Variants in FANCI observed in about 807,000 individuals in gnomAD.
FANCI encodes the protein Fanconi anemia group I protein.
A neutral mutation model predicts 176.1 loss-of-function variants in FANCI; 156 were observed. That is an observed-to-expected ratio of 0.89 (90% confidence interval 0.78 to 1.01). FANCI has a LOEUF of 1.01. FANCI is among the 50% of genes least tolerant of loss of function. The probability of loss-of-function intolerance (pLI) is 0.00; values close to 1 mark genes in which losing one functional copy is unlikely to be tolerated. For missense variants in FANCI, 1,678 were observed against 1,534.1 expected (o/e 1.09, Z -1.57); for synonymous variants, 613 against 541.7 (o/e 1.13, Z -1.83).
rs567191038 is a variant in FANCI, at chr15:89,244,011, C to G, written c.-42C>G. 1.3e-5 allele frequency: 2 copies of G among 152,528 alleles called. No individual in the cohort carries two copies. The highest frequency in any genetic ancestry group is 6.5e-5 in the Admixed American group (1 of 15,278). 9.4% of individuals were successfully genotyped at this position (152,528 alleles called of 1,614,324 possible). On this transcript the variant is annotated 5_prime_UTR_variant, in exon 1 of 38. Transcript: ENST00000310775. ...GTGTGGCGGCGTTGGGTTGAGCGGG[C>G]TTTTTGGAAGTTTGTGGCGGAGGTG...
At chr15:89,268,650 TCTTTTTTTTTTTTTA>T in intron 10 of FANCI, 125 bp downstream of exon 10, 1 of 1,164,360 alleles carries the variant, frequency 8.6e-7, no homozygotes, top group East Asian at 2.5e-5. Flanking sequence ...GTGGAGGATC[TCTTTTTTTTTTTTTA>T]CTTTAAAAGT....
At chr15:89,296,970 G>A (rs541640773) in intron 24 of FANCI, among the ~76,000 whole-genome samples, 5,187 of 124,218 alleles carry the variant, frequency 0.042, 393 homozygotes, top group African/African-American at 0.18. Flanking sequence ...GCGGGGGGCT[G>A]ACCCCCCCCA....
intron 16 of FANCI, chr15:89,282,917 A>G (rs1376474567): frequency 3.6e-6 from 2 of 555,736 alleles, no homozygotes; most frequent in Non-Finnish European, 6.5e-6. Context: ...GTAGAGTATC[A>G]TGAGTTAAGT....
intron 24 of FANCI, among the ~76,000 whole-genome samples, chr15:89,297,081 G>C (rs530407956): frequency 6.6e-6 from 1 of 151,638 alleles, no homozygotes; most frequent in African/African-American, 2.4e-5. Context: ...CTTCCCAGAC[G>C]GGGTGGCTGC....
rs1195191317 is a variant in FANCI at position 89,263,658 on chromosome 15, C to A, written c.545+198C>A. Among the ~76,000 whole-genome samples, 3 of 152,272 alleles carry A rather than the reference C, an allele frequency of 2.0e-5. No homozygotes were observed. In the South Asian group the frequency reaches 6.2e-4, roughly 32 times the overall value. ...CTTTACTTACTTATTTAAAACATAA[C>A]TTTATTTTTTTTATAAGAATGACTT... On this transcript the variant is annotated intron_variant, in intron 7 of 37. Transcript: ENST00000310775.
At chr15:89,256,000 G>A (rs1351297307) in intron 2 of FANCI, among the ~76,000 whole-genome samples, 1 of 152,244 alleles carries the variant, frequency 6.6e-6, no homozygotes, top group East Asian at 1.9e-4. Context: ...TAAGTTGCCT[G>A]AGGTTTTATA....
intron 19 of FANCI, 55 bp from the exon 20 acceptor site, chr15:89,291,558 A>G: frequency 6.9e-7 from 1 of 1,439,718 alleles, no homozygotes. Context: ...TGAGAAGTTA[A>G]AAAAGTAAAA....
chr15:89,301,685 C>T (rs916372461), intron 27 of FANCI, among the ~76,000 whole-genome samples: 2 of 152,116 alleles, frequency 1.3e-5, no homozygotes, highest in African/African-American at 4.8e-5. Context: ...TTTGTTTGTT[C>T]AGGGTAGAGT....
intron 12 of FANCI, 39 bp downstream of exon 12, chr15:89,274,343 G>GT (rs2053321523): frequency 6.2e-7 from 1 of 1,609,636 alleles, no homozygotes; most frequent in African/African-American, 1.3e-5. Flanking sequence ...TTTATAAGGT[G>GT]TTTAATGTTA....
At chr15:89,286,588 G>T (rs2053825925) in intron 18 of FANCI, among the ~76,000 whole-genome samples, 1 of 151,984 alleles carries the variant, frequency 6.6e-6, no homozygotes, top group African/African-American at 2.4e-5. Flanking sequence ...CTCAACAGTG[G>T]GCTTAAAATA....
intron 24 of FANCI, among the ~76,000 whole-genome samples, chr15:89,295,305 G>C (rs1235788742): frequency 4.0e-5 from 6 of 151,158 alleles, no homozygotes; most frequent in African/African-American, 1.5e-4. Flanking sequence ...GGTGGAGGTC[G>C]CAGTGAGCTG....
At chr15:89,276,164 A>G (rs2053403983) in intron 12 of FANCI, among the ~76,000 whole-genome samples, 1 of 152,250 alleles carries the variant, frequency 6.6e-6, no homozygotes, top group African/African-American at 2.4e-5. Context: ...AAAACCACCA[A>G]TGATTCTACT....
intron 17 of FANCI, among the ~76,000 whole-genome samples, chr15:89,284,080 A>T (rs1180709101): frequency 6.6e-6 from 1 of 152,078 alleles, no homozygotes; most frequent in South Asian, 2.1e-4. Context: ...TTTCTTTTGG[A>T]TAGCACGGTG....
In FANCI at chr15:89,264,017, C is replaced by G. The variant is rs2052831015; in HGVS notation, c.660C>G (p.Leu220=). Residue 220 remains leucine, a synonymous_variant, in exon 8 of 38, where the codon CTC becomes CTG. Coordinates refer to ENST00000310775, the MANE Select transcript of FANCI (RefSeq NM_001113378.2). ...IPPLVYQLLV[L]SSKGSRKSVL... ...CTTTGGTCTATCAGCTTCTGGTTCT[C>G]TCCTCCAAGGTACAAATGGAAAATT... 1.9e-6 allele frequency: 3 copies of G among 1,614,074 alleles called. No individual in the cohort carries two copies. Among genetic ancestry groups the G allele is most frequent in the African/African-American group, 1.3e-5 (1 of 75,060 alleles).
At chr15:89,315,611 C>T (rs2055203732) in intron 37 of FANCI, among the ~76,000 whole-genome samples, 1 of 148,790 alleles carries the variant, frequency 6.7e-6, no homozygotes, top group African/African-American at 2.4e-5. Context: ...TTCCAGGAAG[C>T]AGGTGGTAAC....
At chr15:89,305,794 T>C in intron 31 of FANCI, 96 bp downstream of exon 31, 5 of 1,341,830 alleles carry the variant, frequency 3.7e-6, no homozygotes, top group Non-Finnish European at 5.3e-6. Context: ...TGAGCTAAAT[T>C]TCTTATTTGC....
At chr15:89,286,258 A>G (rs1178355234) in intron 18 of FANCI, among the ~76,000 whole-genome samples, 4 of 152,110 alleles carry the variant, frequency 2.6e-5, no homozygotes, top group Non-Finnish European at 4.4e-5. Flanking sequence ...ATCCCAAAGT[A>G]TTGGGATTAC....
intron 1 of FANCI, among the ~76,000 whole-genome samples, chr15:89,245,545 T>C (rs991557263): frequency 6.6e-6 from 1 of 151,544 alleles, no homozygotes; most frequent in Non-Finnish European, 1.5e-5. Context: ...TCTGAAGGAT[T>C]TGTAGGAATT....
chr15:89,269,108 G>A (rs1291168756), intron 10 of FANCI, among the ~76,000 whole-genome samples: 1 of 152,140 alleles, frequency 6.6e-6, no homozygotes, highest in South Asian at 2.1e-4. Flanking sequence ...ACTACATAGC[G>A]TGAAGAACAC....
Sources: allele counts gnomAD v4.1 joint callset (sites outside exome capture counted in the v4.1 genomes callset), GRCh38; gene constraint gnomAD v4.1.1; transcripts MANE v1.5; gene names NCBI Gene and HGNC (gene_info 2026-07-23, HGNC 2026-07-21).